Variants in ZNF800 observed in about 807,000 individuals in gnomAD.
ZNF800 encodes zinc finger protein 800.
In ZNF800, 13 loss-of-function variants were observed where a neutral mutation model predicts 59.5. The ratio of observed to expected loss-of-function variants is 0.22; its 90% CI spans 0.14 to 0.35. ZNF800 has a LOEUF of 0.35. Among genes scored for constraint, ZNF800 ranks in the 10% least tolerant of loss-of-function variants. The pLI is 1.00. For synonymous variants in ZNF800, 266 were observed against 265.7 expected, an observed-to-expected ratio of 1.00 and a Z score of -0.01; for missense variants, 621 against 783.7, an observed-to-expected ratio of 0.79 and a Z score of 2.48.
downstream of ZNF800, among the ~76,000 whole-genome samples, chr7:127,366,131 G>A (rs1417077861): frequency 6.6e-6 from 1 of 152,066 alleles, no homozygotes; most frequent in Non-Finnish European, 1.5e-5. Context: ...GCCAGGACTT[G>A]AATTCAGGTC....
chr7:127,389,186 T>C (rs1801233133), intron 2 of ZNF800, among the ~76,000 whole-genome samples: 1 of 152,010 alleles, frequency 6.6e-6, no homozygotes, highest in Non-Finnish European at 1.5e-5. Context: ...GAGAGGGGAA[T>C]TGGGGGAGGA....
intron 5 of ZNF800, chr7:127,372,949 C>A: frequency 1.0e-6 from 1 of 984,942 alleles, no homozygotes; most frequent in Non-Finnish European, 1.2e-6. Context: ...AACTTTCCTA[C>A]AATTCATTAA....
At chr7:127,368,067 C>T (rs1341904703), downstream of ZNF800, among the ~76,000 whole-genome samples, 1 of 152,076 alleles carries the variant, frequency 6.6e-6, no homozygotes, top group Non-Finnish European at 1.5e-5. Flanking sequence ...ATTTTCCATA[C>T]TCTTACCCTT....
chr7:127,356,818 T>G (rs1800280788), intron 1 of ZNF800, among the ~76,000 whole-genome samples: 1 of 151,958 alleles, frequency 6.6e-6, no homozygotes, highest in Non-Finnish European at 1.5e-5. Flanking sequence ...ATAAAAAAAT[T>G]GTTTTATTAT....
chr7:127,364,125 A>G (rs942692453), intron 1 of ZNF800: 1 of 152,130 alleles, frequency 6.6e-6, no homozygotes, highest in Non-Finnish European at 1.5e-5. Context: ...CTGGCCCAAA[A>G]TGACCCAGGT....
chr7:127,388,994 A>T (rs1222491395), intron 2 of ZNF800, among the ~76,000 whole-genome samples: 4 of 152,174 alleles, frequency 2.6e-5, no homozygotes, highest in African/African-American at 7.2e-5. Context: ...TTCTCCAACC[A>T]AAAAACCCAA....
At chr7:127,357,469 A>G (rs1800293710) in intron 1 of ZNF800, among the ~76,000 whole-genome samples, 1 of 152,040 alleles carries the variant, frequency 6.6e-6, no homozygotes, top group African/African-American at 2.4e-5. Flanking sequence ...TTCTATCAGG[A>G]TCTTATCAGC....
chr7:127,379,330 T>C (rs770602974), intron 3 of ZNF800, among the ~76,000 whole-genome samples: 1 of 152,152 alleles, frequency 6.6e-6, no homozygotes, highest in Non-Finnish European at 1.5e-5. Flanking sequence ...TCTCAGGAAA[T>C]GTAGGTGAGC....
intron 1 of ZNF800, among the ~76,000 whole-genome samples, chr7:127,355,719 A>G (rs532882500): frequency 6.6e-6 from 1 of 152,102 alleles, no homozygotes; most frequent in Non-Finnish European, 1.5e-5. Context: ...AACTTGGCTA[A>G]AAATATTAAA....
intron 1 of ZNF800, among the ~76,000 whole-genome samples, chr7:127,355,640 G>C (rs1440818089): frequency 6.6e-6 from 1 of 152,012 alleles, no homozygotes; most frequent in African/African-American, 2.4e-5. Context: ...GTTCTAGTAG[G>C]ATGGGAGCAG....
At chr7:127,386,208 A>C (rs1484468637) in intron 2 of ZNF800, 53 bp from the exon 3 acceptor site, 5 of 1,103,792 alleles carry the variant, frequency 4.5e-6, no homozygotes, top group African/African-American at 3.1e-5. Flanking sequence ...GGGTTATTTA[A>C]ATCATTTACT....
At chr7:127,372,545 C>T (rs1362665763) in intron 5 of ZNF800, 6 of 869,274 alleles carry the variant, frequency 6.9e-6, no homozygotes, top group Non-Finnish European at 6.9e-6. Context: ...TTTCTTACGA[C>T]ACACAACCAC....
rs146010529 is a variant in ZNF800 at position 127,377,079 on chromosome 7, A to G, written c.301+107T>C. The G allele has an allele frequency of 2.5e-4, 247 of 1,007,452 alleles. No homozygotes were observed. In the African/African-American group the frequency reaches 3.7e-3, roughly 15 times the overall value. 62.4% of individuals were successfully genotyped at this position (1,007,452 alleles called of 1,614,324 possible). ...TAAAAATTATCTGTAACTAGACATC[A>G]TTATCAAATTATCAGTAACTAGATA... On this transcript the variant is annotated intron_variant, in intron 4 of 5. Coordinates refer to ENST00000265827, the MANE Select transcript of ZNF800 (RefSeq NM_176814.5). This position sits in a 1 kb window ranked among gnomAD's most constrained non-coding sequence, Gnocchi z 4.7.
rs566160372 is a variant in ZNF800, at chr7:127,355,322, G to A, written n.225-7279C>T. Among the ~76,000 whole-genome samples, 16 of 152,204 alleles carry A rather than the reference G, an allele frequency of 1.1e-4. No individual in the cohort carries two copies. In the South Asian group the frequency reaches 3.1e-3, roughly 30 times the overall value. On this transcript the variant is annotated intron_variant and non_coding_transcript_variant, in intron 1 of 1. Transcript: ENST00000485577. ...TTATTGATAGCTTACAGGACAGGAA[G>A]AATGGGGACAGGCCTGGTGATCCAT...
Position 127,373,877 on chromosome 7 carries a change from A to G in ZNF800, c.1459T>C (p.Tyr487His), listed in dbSNP as rs1308753869. The G allele has an allele frequency of 6.2e-7, 1 of 1,614,174 alleles. No individual in the cohort carries two copies. The highest frequency in any genetic ancestry group is 8.5e-7 in the Non-Finnish European group (1 of 1,180,024). The change falls in exon 5 of 6, where the codon TAC becomes CAC. Residue 487 changes from tyrosine to histidine, a missense_variant. Tyr to His is a moderately conservative substitution (Grantham distance 83, BLOSUM62 2). Around this residue, in one of 7 missense-constraint regions of ZNF800, gnomAD observed 46 missense variants for 118.4 expected, o/e 0.39. Transcript: ENST00000265827. Reference protein sequence around the residue: ...LSAGFDFKQLYCKLCKRQFTS... With the variant: ...LSAGFDFKQLHCKLCKRQFTS... ...AACTGACGTTTACAAAGTTTACAGT[A>G]AAGTTGCTTAAAGTCAAAGCCAGCT...
At chr7:127,361,347 T>A (rs1800388862) in intron 1 of ZNF800, 1 of 151,946 alleles carries the variant, frequency 6.6e-6, no homozygotes, top group South Asian at 2.1e-4. Flanking sequence ...TGAAGCCAAG[T>A]CAGGAGGATT....
At chr7:127,390,999 G>A (rs1466612189) in intron 2 of ZNF800, among the ~76,000 whole-genome samples, 1 of 152,116 alleles carries the variant, frequency 6.6e-6, no homozygotes, top group African/African-American at 2.4e-5. Flanking sequence ...TTTTTTTAAA[G>A]GTTGCGCTTA....
rs537764910 is a variant in ZNF800, at chr7:127,381,733, T to TAA, written c.157+4325_157+4326dup. Among the ~76,000 whole-genome samples the TAA allele has an allele frequency of 5.1e-3, 777 of 151,554 alleles. 7 individuals carry two copies. Among genetic ancestry groups the TAA allele is most frequent in the African/African-American group, 0.014 (558 of 41,328 alleles). The stretch of plus-strand genomic sequence containing the variant: ...GGAAAACAAATCTACTTTTTTCTTA[T>TAA]AAAAAAAAGTCCCATTTTAAATTTC... On this transcript the variant is annotated intron_variant, in intron 3 of 5. Transcript: ENST00000265827.
chr7:127,388,584 T>C (rs1041902687), intron 2 of ZNF800, among the ~76,000 whole-genome samples: 1 of 137,960 alleles, frequency 7.2e-6, no homozygotes, highest in Non-Finnish European at 1.5e-5. Flanking sequence ...TTAGAGCTCC[T>C]GCATTTACAA....
Sources: allele counts gnomAD v4.1 joint callset (sites outside exome capture counted in the v4.1 genomes callset), GRCh38; gene constraint gnomAD v4.1.1; regional missense constraint gnomAD v4.1.1; non-coding constraint Gnocchi (gnomAD v3.1); transcripts MANE v1.5; gene names NCBI Gene and HGNC (gene_info 2026-07-23, HGNC 2026-07-21).